MAP3K7CL: variants seen among roughly 807,000 people sequenced by gnomAD.
The protein encoded by MAP3K7CL is MAP3K7 C-terminal like.
In MAP3K7CL, 16 loss-of-function variants were observed where a neutral mutation model predicts 18.6. The observed-to-expected ratio is 0.86, with a 90% confidence interval of 0.58 to 1.31. MAP3K7CL has a LOEUF of 1.31. Among genes scored for constraint, MAP3K7CL ranks in the 50% most tolerant of loss-of-function variants. The pLI, the probability that MAP3K7CL is intolerant of heterozygous loss-of-function variation, is 0.00. For synonymous variants in MAP3K7CL, 65 were observed against 66.8 expected, an observed-to-expected ratio of 0.97 and a Z score of 0.13; for missense variants, 163 against 174.4, an observed-to-expected ratio of 0.93 and a Z score of 0.37.
intron 4 of MAP3K7CL, among the ~76,000 whole-genome samples, chr21:29,121,837 AAGAG>A (rs1286691452): frequency 2.0e-5 from 3 of 151,684 alleles, no homozygotes; most frequent in African/African-American, 7.3e-5. Context: ...TTGGGGAAAA[AAGAG>A]AGAGACCAAC....
At chr21:29,170,338 T>G (rs1266446984) in intron 4 of MAP3K7CL, among the ~76,000 whole-genome samples, 1 of 152,232 alleles carries the variant, frequency 6.6e-6, no homozygotes, top group Non-Finnish European at 1.5e-5. Flanking sequence ...CAATGCAAGA[T>G]CAGACTAGAT....
chr21:29,145,110 G>T (rs893221909), intron 2 of MAP3K7CL, among the ~76,000 whole-genome samples: 3 of 152,148 alleles, frequency 2.0e-5, no homozygotes, highest in Non-Finnish European at 4.4e-5. Flanking sequence ...CCATTTTGAA[G>T]AAGAAGCCTT....
intron 4 of MAP3K7CL, among the ~76,000 whole-genome samples, chr21:29,103,829 G>A (rs553582749): frequency 3.3e-5 from 5 of 152,222 alleles, no homozygotes; most frequent in African/African-American, 1.2e-4. Flanking sequence ...AGCCCAGAAG[G>A]TTGAGGCTGC....
At chr21:29,160,128 G>C in intron 4 of MAP3K7CL, 72 bp downstream of exon 4, 2 of 1,196,414 alleles carry the variant, frequency 1.7e-6, no homozygotes, top group South Asian at 2.6e-5. Flanking sequence ...AATGGGCAGG[G>C]GACAGGCTGA....
chr21:29,083,598 A>C (rs73192155), upstream of MAP3K7CL, among the ~76,000 whole-genome samples: 3 of 151,978 alleles, frequency 2.0e-5, no homozygotes, highest in African/African-American at 7.2e-5. Context: ...GAATCTTCCA[A>C]TGTTTTTGTT....
chr21:29,111,442 A>G lies in MAP3K7CL; in HGVS notation c.370+18861A>G, dbSNP rs117124977. Among the ~76,000 whole-genome samples, 45 of 152,166 alleles carry G rather than the reference A, an allele frequency of 3.0e-4. No individual in the cohort carries two copies. In the East Asian group the frequency reaches 8.7e-3, roughly 29 times the overall value. ...ACTGTTTGGATTGGTGAGGAGCTCTATTCCCTACCCCTCCATTGTCCCCCT... is the reference window on the plus strand; with the variant it reads ...ACTGTTTGGATTGGTGAGGAGCTCTGTTCCCTACCCCTCCATTGTCCCCCT... On this transcript the variant is annotated intron_variant, in intron 4 of 6. Transcript: ENST00000286791.
intron 2 of MAP3K7CL, among the ~76,000 whole-genome samples, chr21:29,147,669 C>T (rs2087166397): frequency 6.6e-6 from 1 of 150,496 alleles, no homozygotes; most frequent in Admixed American, 6.6e-5. Flanking sequence ...TGTATCTGTA[C>T]TGTCTCTATT....
chr21:29,140,060 C>T (rs1346247429), intron 2 of MAP3K7CL, among the ~76,000 whole-genome samples: 4 of 152,126 alleles, frequency 2.6e-5, no homozygotes, highest in Non-Finnish European at 5.9e-5. Context: ...TCTGTCCCAA[C>T]ATGAGCTTAC....
intron 2 of MAP3K7CL, among the ~76,000 whole-genome samples, chr21:29,138,257 T>C (rs1364602823): frequency 6.6e-6 from 1 of 152,242 alleles, no homozygotes; most frequent in Non-Finnish European, 1.5e-5. Flanking sequence ...CTAATGGTAA[T>C]TCCCAGAGGC....
chr21:29,109,601 C>T lies in MAP3K7CL; in HGVS notation c.370+17020C>T, dbSNP rs1370931507. 3 of 1,002,100 alleles carry T rather than the reference C, an allele frequency of 3.0e-6. No individual in the cohort carries two copies. In the African/African-American group the frequency reaches 5.2e-5, roughly 17 times the overall value. The allele number at this position is 1,002,100 out of a possible 1,614,324, so 62.1% of individuals were successfully genotyped here. A position where few individuals can be genotyped will look rare whatever the true frequency, so the allele number is the denominator to read the frequency against. ...AACTGCACATTTAATGTAAATAGCA[C>T]ATTATTCCCCTCGTCACAGAGTTGA... On this transcript the variant is annotated intron_variant, in intron 4 of 6. Transcript: ENST00000286791.
chr21:29,117,203 C>T (rs1364056190), intron 4 of MAP3K7CL, among the ~76,000 whole-genome samples: 3 of 152,142 alleles, frequency 2.0e-5, no homozygotes, highest in Non-Finnish European at 4.4e-5. Flanking sequence ...TCCTGTCCTT[C>T]ACTAGAATTT....
At chr21:29,084,771 T>A (rs1485504058), upstream of MAP3K7CL, among the ~76,000 whole-genome samples, 1 of 152,216 alleles carries the variant, frequency 6.6e-6, no homozygotes, top group Non-Finnish European at 1.5e-5. Context: ...GGGTAATGGT[T>A]ACCAAAAATC....
At chr21:29,134,874 C>G (rs2086849740) in intron 2 of MAP3K7CL, among the ~76,000 whole-genome samples, 1 of 152,018 alleles carries the variant, frequency 6.6e-6, no homozygotes, top group East Asian at 1.9e-4. Context: ...ACGGTGAAAC[C>G]CTGTCTCTAC....
chr21:29,139,895 CTTTTTTTTTTT>C lies in MAP3K7CL; in HGVS notation c.70+6496_70+6506del, dbSNP rs5843369. The stretch of plus-strand genomic sequence containing the variant: ...CACGACGCCCAGGCCCCATCTCTGG[CTTTTTTTTTTT>C]TTTTTTTTTTTTTTGGCATATTCAC... On this transcript the variant is annotated intron_variant, in intron 2 of 4. Transcript: ENST00000399928. Among the ~76,000 whole-genome samples the C allele has an allele frequency of 4.9e-4, 33 of 67,364 alleles. 1 individual carries two copies. Among genetic ancestry groups the C allele is most frequent in the African/African-American group, 1.5e-3 (28 of 18,114 alleles). The allele number at this position is 67,364 out of a possible 152,430, so 44.2% of individuals were successfully genotyped here. A position where few individuals can be genotyped will look rare whatever the true frequency, so the allele number is the denominator to read the frequency against.
At chr21:29,124,428 T>C (rs2086650349) in intron 4 of MAP3K7CL, among the ~76,000 whole-genome samples, 1 of 149,868 alleles carries the variant, frequency 6.7e-6, no homozygotes, top group Non-Finnish European at 1.5e-5. Flanking sequence ...TCAAATTGTA[T>C]AAAACCATTT....
intron 4 of MAP3K7CL, among the ~76,000 whole-genome samples, chr21:29,122,451 C>A (rs181643922): frequency 2.6e-5 from 4 of 152,104 alleles, no homozygotes; most frequent in Non-Finnish European, 5.9e-5. Flanking sequence ...TCAGGTTGCA[C>A]GAACGAATTG....
chr21:29,114,454 A>C (rs2086471822), intron 4 of MAP3K7CL, among the ~76,000 whole-genome samples: 1 of 152,186 alleles, frequency 6.6e-6, no homozygotes, highest in East Asian at 1.9e-4. Context: ...ACAGTGGTGC[A>C]ATCACGGCTC....
At chr21:29,151,428 C>T (rs2087272684) in intron 3 of MAP3K7CL, among the ~76,000 whole-genome samples, 1 of 151,922 alleles carries the variant, frequency 6.6e-6, no homozygotes, top group Non-Finnish European at 1.5e-5. Context: ...GAGCCAAGAT[C>T]GTACCACTGC....
upstream of MAP3K7CL, among the ~76,000 whole-genome samples, chr21:29,084,065 T>C (rs781536289): frequency 6.7e-6 from 1 of 148,286 alleles, no homozygotes; most frequent in Non-Finnish European, 1.5e-5. Flanking sequence ...TATATATACA[T>C]GTATAATATG....
Sources: allele counts gnomAD v4.1 joint callset (sites outside exome capture counted in the v4.1 genomes callset), GRCh38; gene constraint gnomAD v4.1.1; transcripts MANE v1.5; gene names NCBI Gene and HGNC (gene_info 2026-07-23, HGNC 2026-07-21).